The following ATP5MC2 variants were observed in gnomAD, a reference collection of about 807,000 sequenced individuals.
ATP5MC2 encodes ATP synthase F(0) complex subunit C2, mitochondrial.
Under a neutral mutation model 13.5 loss-of-function variants are expected in ATP5MC2, and 11 were observed. That is an observed-to-expected ratio of 0.81 (90% CI 0.51 to 1.35). The LOEUF (loss-of-function observed/expected upper bound fraction) is 1.35, where lower values mean the gene tolerates loss of function less well. Among genes scored for constraint, ATP5MC2 ranks in the 40% most tolerant of loss-of-function variants. The pLI, the probability that ATP5MC2 is intolerant of heterozygous loss-of-function variation, is 0.00. For synonymous variants in ATP5MC2, 64 were observed against 69.7 expected (o/e 0.92, Z 0.41); for missense variants, 132 against 175.0 (o/e 0.75, Z 1.39).
rs1196626649 is a variant in ATP5MC2 at position 53,672,096 on chromosome 12, A to ATAAAATAAAATAAAATAAAATAAAAT, written c.39+479_39+480insATTTTATTTTATTTTATTTTATTTTA. The stretch of plus-strand genomic sequence containing the variant: ...GAAACTCTGTCTCAAAAAAAAAAAA[A>ATAAAATAAAATAAAATAAAATAAAAT]AAAAAAAAATTAACTGGCCGCCAAG... On this transcript the variant is annotated intron_variant, in intron 2 of 4. Transcript: ENST00000394349. Among the ~76,000 whole-genome samples the ATAAAATAAAATAAAATAAAATAAAAT allele has an allele frequency of 1.1e-3, 168 of 148,764 alleles. 6 individuals carry two copies. Among genetic ancestry groups the ATAAAATAAAATAAAATAAAATAAAAT allele is most frequent in the African/African-American group, 4.0e-3 (157 of 39,188 alleles).
chr12:53,673,806 A>G (rs1690639969), intron 1 of ATP5MC2: 1 of 169,548 alleles, frequency 5.9e-6, no homozygotes, highest in Non-Finnish European at 1.2e-5. Flanking sequence ...GGGCAACAAG[A>G]GGGAAACTGT....
At position 53,669,899 on chromosome 12, in the gene ATP5MC2, A is replaced by C. The variant is rs745985019; in HGVS notation, c.89T>G (p.Leu30Arg). ...ATCTGTCAGTATCTCCGGTCGTTTC[A>C]GCACCACTGCAGATAGCGGACGGCT... ...LLSRPLSAVV[L>R]KRPEILTDES... The change falls in exon 3 of 5, where the codon CTG becomes CGG. Residue 30 changes from leucine to arginine, a missense_variant. Physicochemically the swap from Leu to Arg is moderately radical, Grantham distance 102. Transcript: ENST00000394349. 1 of 1,614,096 alleles carries C rather than the reference A, an allele frequency of 6.2e-7. No homozygotes were observed. The highest frequency in any genetic ancestry group is 8.5e-7 in the Non-Finnish European group (1 of 1,179,974).
upstream of ATP5MC2, chr12:53,676,292 C>T: frequency 1.3e-6 from 2 of 1,531,126 alleles, no homozygotes; most frequent in East Asian, 2.3e-5. Flanking sequence ...AGAAATGAGG[C>T]CAACTCCGCG....
chr12:53,672,520 AAGAG>A lies in ATP5MC2; in HGVS notation c.39+52_39+55del, dbSNP rs1244357860. The A allele has an allele frequency of 6.0e-6, 9 of 1,497,064 alleles. No individual in the cohort carries two copies. The Admixed American group carries it at 1.6e-4, about 26-fold the overall frequency. The allele number at this position is 1,497,064 out of a possible 1,614,324, so 92.7% of individuals were successfully genotyped here. ...GCTGTGAAGAACAAGGTCTGATGGA[AAGAG>A]AGAGACAAGATGTCTCTCCTTTAAA... On this transcript the variant is annotated intron_variant, in intron 2 of 4. Transcript: ENST00000394349.
At chr12:53,678,647 G>T (rs1391735087), upstream of ATP5MC2, among the ~76,000 whole-genome samples, 1 of 152,180 alleles carries the variant, frequency 6.6e-6, no homozygotes, top group Non-Finnish European at 1.5e-5. Context: ...GGAGCAGTGA[G>T]GCTCCAAAAA....
rs549727531 is a variant in ATP5MC2 at position 53,665,847 on chromosome 12, G to A, written c.312-419C>T. Among the ~76,000 whole-genome samples, 30 of 152,342 alleles carry A rather than the reference G, an allele frequency of 2.0e-4. No homozygotes were observed. In the East Asian group the frequency reaches 5.6e-3, roughly 28 times the overall value. ...CAAACTGCAATGGTACAAAAGTAGT[G>A]GGGAAATTTTAACGGCTTGGTCTCC... On this transcript the variant is annotated intron_variant, in intron 4 of 4. Coordinates refer to ENST00000394349, the MANE Select transcript of ATP5MC2 (RefSeq NM_005176.7).
Position 53,665,171 on chromosome 12 carries a change from C to CTTA in ATP5MC2, c.*140_*142dup. On this transcript the variant is annotated 3_prime_UTR_variant, in exon 5 of 5. Coordinates refer to ENST00000394349, the MANE Select transcript of ATP5MC2 (RefSeq NM_005176.7). Reference sequence around the variant, plus strand: ...TATACACAGGAGACTCAAGAAACATCTTATTAATACAGTATTTATTTGTCT... The same window carrying CTTA: ...TATACACAGGAGACTCAAGAAACATCTTATTATTAATACAGTATTTATTTGTCT... 1 of 623,594 alleles carries CTTA rather than the reference C, an allele frequency of 1.6e-6. No individual in the cohort carries two copies. Among genetic ancestry groups the CTTA allele is most frequent in the South Asian group, 2.1e-5 (1 of 47,622 alleles). The allele number at this position is 623,594 out of a possible 1,614,324, so 38.6% of individuals were successfully genotyped here.
intron 1 of ATP5MC2, 73 bp downstream of exon 1, chr12:53,675,980 A>C: frequency 1.3e-6 from 2 of 1,576,170 alleles, no homozygotes; most frequent in African/African-American, 2.7e-5. Context: ...AAGCGCCTCA[A>C]AGCATCCGCG....
At chr12:53,676,317 G>A (rs982050120), upstream of ATP5MC2, 22 of 1,432,300 alleles carry the variant, frequency 1.5e-5, no homozygotes, top group Admixed American at 2.3e-5. Flanking sequence ...AAGCCGATCC[G>A]TAACGTGGAC....
intron 2 of ATP5MC2, among the ~76,000 whole-genome samples, chr12:53,671,184 G>A (rs1043377167): frequency 2.0e-5 from 3 of 152,156 alleles, no homozygotes; most frequent in Non-Finnish European, 4.4e-5. Context: ...CATAGCCAGG[G>A]CTTTAGGCAT....
At chr12:53,666,064 T>C (rs577394501) in intron 4 of ATP5MC2, among the ~76,000 whole-genome samples, 5 of 152,350 alleles carry the variant, frequency 3.3e-5, no homozygotes, top group African/African-American at 9.6e-5. Flanking sequence ...TCCCAGCACT[T>C]TGGGAGGCCA....
At chr12:53,665,765 C>T (rs1404465528) in intron 4 of ATP5MC2, among the ~76,000 whole-genome samples, 1 of 152,228 alleles carries the variant, frequency 6.6e-6, no homozygotes, top group African/African-American at 2.4e-5. Context: ...AAGGGTCTAT[C>T]TAGAGCAGTG....
chr12:53,671,567 C>T (rs922624112), intron 2 of ATP5MC2, among the ~76,000 whole-genome samples: 1 of 152,206 alleles, frequency 6.6e-6, no homozygotes, highest in African/African-American at 2.4e-5. Context: ...CTATGGCTAA[C>T]TCAGGACAAG....
chr12:53,667,944 T>TACACAC (rs2138018458), intron 4 of ATP5MC2, among the ~76,000 whole-genome samples: 1 of 72,240 alleles, frequency 1.4e-5, no homozygotes, highest in African/African-American at 5.1e-5. Context: ...AATACATACA[T>TACACAC]ACATACACAC....
At chr12:53,668,251 A>G (rs1229234849) in intron 4 of ATP5MC2, among the ~76,000 whole-genome samples, 1 of 150,500 alleles carries the variant, frequency 6.6e-6, no homozygotes, top group Admixed American at 6.6e-5. Flanking sequence ...GACCTCCCAA[A>G]GTGCAGGATT....
At chr12:53,666,179 CA>C (rs1389743123) in intron 4 of ATP5MC2, among the ~76,000 whole-genome samples, 3 of 151,978 alleles carry the variant, frequency 2.0e-5, no homozygotes, top group African/African-American at 7.3e-5. Flanking sequence ...CGCGGTGGCT[CA>C]CGCCTGTAAT....
In ATP5MC2 at chr12:53,676,070, AAGAC is replaced by A. The variant is rs1191211519; in HGVS notation, c.-53_-50del. 4.3e-6 allele frequency: 7 copies of A among 1,614,028 alleles called. No homozygotes were observed. In the Admixed American group the frequency reaches 8.3e-5, roughly 19 times the overall value. ...GGCCTTACCTGCTCCCACTGCAGAG[AAGAC>A]AGAGAGGGGCGGAGCAGCGGGAAGA... On this transcript the variant is annotated 5_prime_UTR_variant, in exon 1 of 5. Transcript: ENST00000394349.
At chr12:53,673,853 C>A in intron 1 of ATP5MC2, 1 of 172,878 alleles carries the variant, frequency 5.8e-6, no homozygotes, top group South Asian at 9.1e-5. Context: ...ATTGTGTCTC[C>A]CCAAGATCTA....
chr12:53,678,245 C>T (rs1945318400), upstream of ATP5MC2, among the ~76,000 whole-genome samples: 1 of 152,138 alleles, frequency 6.6e-6, no homozygotes, highest in African/African-American at 2.4e-5. Flanking sequence ...GTACTTATCA[C>T]ACAGCCAATA....
Sources: gnomAD v4.1 joint callset for allele counts (sites outside exome capture counted in the v4.1 genomes callset) on GRCh38, gnomAD v4.1.1 for gene constraint, MANE v1.5 for transcripts, NCBI Gene and HGNC (gene_info 2026-07-23, HGNC 2026-07-21) for gene names.